MYRIP: variants seen among roughly 807,000 people sequenced by gnomAD.
MYRIP encodes the protein rab effector MyRIP.
In MYRIP, 49 loss-of-function variants were observed where a neutral mutation model predicts 98.0. That is an observed-to-expected ratio of 0.50 (90% CI 0.40 to 0.63). The LOEUF (loss-of-function observed/expected upper bound fraction) is 0.63, where lower values mean the gene tolerates loss of function less well. MYRIP is among the 30% of genes least tolerant of loss of function. The pLI, the probability that MYRIP is intolerant of heterozygous loss-of-function variation, is 0.00. For missense variants in MYRIP, 1,004 were observed against 1,058.2 expected (o/e 0.95, Z 0.71); for synonymous variants, 404 against 409.5 (o/e 0.99, Z 0.16).
At chr3:40,090,515 C>T (rs183761441) in intron 3 of MYRIP, among the ~76,000 whole-genome samples, 5 of 152,252 alleles carry the variant, frequency 3.3e-5, no homozygotes, top group Non-Finnish European at 7.4e-5. Context: ...TTTTACCTAT[C>T]ATCATTTCTG....
At chr3:39,965,092 C>A (rs1212577450) in intron 2 of MYRIP, among the ~76,000 whole-genome samples, 4 of 151,942 alleles carry the variant, frequency 2.6e-5, no homozygotes, top group African/African-American at 9.7e-5. Flanking sequence ...AGTAATAATT[C>A]TTTATAATTT....
intron 3 of MYRIP, among the ~76,000 whole-genome samples, chr3:40,149,914 C>T (rs1383435507): frequency 6.6e-6 from 1 of 152,042 alleles, no homozygotes; most frequent in African/African-American, 2.4e-5. Flanking sequence ...ATTGTTCTTC[C>T]ATTGAATTGG....
intron 10 of MYRIP, among the ~76,000 whole-genome samples, chr3:40,208,419 A>G (rs954779708): frequency 1.3e-5 from 2 of 152,190 alleles, no homozygotes; most frequent in Non-Finnish European, 2.9e-5. Flanking sequence ...GTACATATGA[A>G]CACTTCAACA....
chr3:39,955,934 C>T (rs944043856), intron 2 of MYRIP, among the ~76,000 whole-genome samples: 2 of 152,012 alleles, frequency 1.3e-5, no homozygotes, highest in African/African-American at 4.8e-5. Flanking sequence ...ACAAACAAGG[C>T]CATTATATAA....
intron 13 of MYRIP, among the ~76,000 whole-genome samples, chr3:40,246,851 A>AT (rs1341169684): frequency 1.3e-5 from 2 of 152,208 alleles, no homozygotes; most frequent in Non-Finnish European, 2.9e-5. Context: ...CTAGAGAATG[A>AT]AAGGGCACAA....
At chr3:40,219,787 A>G (rs1482470812) in intron 11 of MYRIP, among the ~76,000 whole-genome samples, 2 of 151,988 alleles carry the variant, frequency 1.3e-5, no homozygotes, top group East Asian at 1.9e-4. Context: ...TAGTGCCACA[A>G]TAAACATATG....
At chr3:40,089,945 A>G (rs1483155140) in intron 3 of MYRIP, among the ~76,000 whole-genome samples, 1 of 151,880 alleles carries the variant, frequency 6.6e-6, no homozygotes, top group African/African-American at 2.4e-5. Flanking sequence ...CACACCCTAC[A>G]CTGCATATAC....
intron 10 of MYRIP, among the ~76,000 whole-genome samples, chr3:40,202,166 T>A (rs1380751214): frequency 6.6e-6 from 1 of 152,100 alleles, no homozygotes; most frequent in Non-Finnish European, 1.5e-5. Context: ...TCAACAGGAA[T>A]GAGGAGAGCC....
At chr3:40,103,530 G>A (rs1948992016) in intron 3 of MYRIP, among the ~76,000 whole-genome samples, 2 of 152,198 alleles carry the variant, frequency 1.3e-5, no homozygotes, top group South Asian at 4.1e-4. Flanking sequence ...AGGCCAAGGT[G>A]GGCAGATCAC....
chr3:39,951,283 C>T (rs900858818), intron 2 of MYRIP, among the ~76,000 whole-genome samples: 5 of 152,100 alleles, frequency 3.3e-5, no homozygotes, highest in Non-Finnish European at 7.4e-5. Flanking sequence ...CTGAAACCAC[C>T]TAGAGAGCTT....
chr3:39,976,794 G>C (rs1945764521), intron 2 of MYRIP, among the ~76,000 whole-genome samples: 1 of 151,900 alleles, frequency 6.6e-6, no homozygotes, highest in African/African-American at 2.4e-5. Flanking sequence ...ACTATCACAA[G>C]GACAAAAAAC....
At chr3:40,035,884 A>G (rs1947371155) in intron 2 of MYRIP, among the ~76,000 whole-genome samples, 1 of 152,052 alleles carries the variant, frequency 6.6e-6, no homozygotes, top group Admixed American at 6.6e-5. Flanking sequence ...TACAATTTCA[A>G]AAGGATTAAA....
At chr3:39,810,577 A>G (rs1403433361) in intron 1 of MYRIP, 4 of 152,236 alleles carry the variant, frequency 2.6e-5, no homozygotes, top group Non-Finnish European at 2.9e-5. Flanking sequence ...GGCTCTACAT[A>G]GATTTGGAGG....
At chr3:39,952,238 C>T (rs1331614345) in intron 2 of MYRIP, among the ~76,000 whole-genome samples, 1 of 152,182 alleles carries the variant, frequency 6.6e-6, no homozygotes, top group Non-Finnish European at 1.5e-5. Flanking sequence ...TATTCCCTTT[C>T]ATTGCCACAT....
chr3:40,166,755 A>G (rs1559430342), intron 5 of MYRIP, 91 bp from the exon 6 acceptor site: 1 of 871,428 alleles, frequency 1.1e-6, no homozygotes, highest in East Asian at 2.4e-5. Flanking sequence ...CTTATCCCAG[A>G]GCCCCTGAAG....
At chr3:40,021,821 C>T (rs1357500935) in intron 2 of MYRIP, among the ~76,000 whole-genome samples, 1 of 152,154 alleles carries the variant, frequency 6.6e-6, no homozygotes, top group Admixed American at 6.5e-5. Flanking sequence ...ACATATTGTA[C>T]TTATCTTTTA....
At chr3:39,871,709 CATT>C (rs1308950853) in intron 1 of MYRIP, among the ~76,000 whole-genome samples, 4 of 152,190 alleles carry the variant, frequency 2.6e-5, no homozygotes, top group African/African-American at 9.6e-5. Flanking sequence ...TTATCATCAT[CATT>C]AACATCACTG....
intron 9 of MYRIP, among the ~76,000 whole-genome samples, chr3:40,188,447 C>T (rs1191565120): frequency 6.6e-6 from 1 of 151,220 alleles, no homozygotes; most frequent in Non-Finnish European, 1.5e-5. Context: ...ATCACTGCCC[C>T]CAGGCAACCC....
intron 10 of MYRIP, among the ~76,000 whole-genome samples, chr3:40,200,096 T>G (rs139203687): frequency 2.2e-5 from 2 of 91,086 alleles, no homozygotes; most frequent in African/African-American, 6.2e-5. Flanking sequence ...AAATGAGACA[T>G]TTGCTGAAAA....
Sources: allele counts gnomAD v4.1 joint callset (sites outside exome capture counted in the v4.1 genomes callset), GRCh38; gene constraint gnomAD v4.1.1; transcripts MANE v1.5; gene names NCBI Gene and HGNC (gene_info 2026-07-23, HGNC 2026-07-21).